The following GUCY1A2 variants were observed in gnomAD, a reference collection of about 807,000 sequenced individuals.
The protein encoded by GUCY1A2 is guanylate cyclase 1 soluble subunit alpha 2.
In GUCY1A2, 27 loss-of-function variants were observed where a neutral mutation model predicts 63.5. The observed-to-expected ratio is 0.43, with a 90% confidence interval of 0.31 to 0.59. The LOEUF (loss-of-function observed/expected upper bound fraction) is 0.59. Ranked by LOEUF, GUCY1A2 falls within the 20% of genes least tolerant of loss-of-function variation. The pLI, the probability that GUCY1A2 is intolerant of heterozygous loss-of-function variation, is 0.11. For synonymous variants in GUCY1A2, 364 were observed against 343.5 expected, an observed-to-expected ratio of 1.06 and a Z score of -0.66; for missense variants, 768 against 913.3, an observed-to-expected ratio of 0.84 and a Z score of 2.05.
chr11:106,778,497 A>G (rs1347244432), intron 5 of GUCY1A2, among the ~76,000 whole-genome samples: 4 of 152,074 alleles, frequency 2.6e-5, no homozygotes, highest in African/African-American at 9.7e-5. Flanking sequence ...ATCTCTACTA[A>G]AAGTACAAAA....
rs1323741307 is a variant in GUCY1A2 at position 107,018,029 on chromosome 11, C to T, written c.27G>A (p.Glu9=). The change falls in exon 1 of 8, where the codon GAG becomes GAA. Residue 9 remains glutamate (E), a synonymous_variant. Transcript: ENST00000526355. MSRRKISS[E]SFSSLGSDYL... is the part of the protein sequence containing the mutation. ...AGTCGGAGCCCAGGGAGCTGAAGGA[C>T]TCGGACGAAATCTTCCTTCGAGACA... is the stretch of plus-strand genomic sequence containing the variant. 2.0e-6 allele frequency: 3 copies of T among 1,475,256 alleles called. No homozygotes were observed. Among genetic ancestry groups the T allele is most frequent in the Admixed American group, 2.0e-5 (1 of 49,000 alleles). 91.4% of individuals were successfully genotyped at this position (1,475,256 alleles called of 1,614,324 possible).
chr11:106,716,507 C>T (rs550047017), intron 6 of GUCY1A2, among the ~76,000 whole-genome samples: 49 of 152,098 alleles, frequency 3.2e-4, no homozygotes, highest in Middle Eastern at 6.8e-3. Context: ...TTAGGCAATT[C>T]GCTTTCTCCC....
chr11:106,852,112 T>C (rs1198772523), intron 4 of GUCY1A2, among the ~76,000 whole-genome samples: 1 of 152,040 alleles, frequency 6.6e-6, no homozygotes, highest in Non-Finnish European at 1.5e-5. Flanking sequence ...CTATTGTAAA[T>C]GGCATAGTTT....
chr11:106,922,718 T>G (rs1860465503), intron 4 of GUCY1A2, among the ~76,000 whole-genome samples: 1 of 128,476 alleles, frequency 7.8e-6, no homozygotes, highest in Non-Finnish European at 1.6e-5. Flanking sequence ...TATATATATG[T>G]ACTCACAATT....
intron 7 of GUCY1A2, among the ~76,000 whole-genome samples, chr11:106,696,256 G>A (rs1044010307): frequency 1.3e-5 from 2 of 152,112 alleles, no homozygotes; most frequent in African/African-American, 4.8e-5. Context: ...TAAATGTCAA[G>A]GAATTTAAAC....
At chr11:106,809,780 A>G (rs1858739226) in intron 5 of GUCY1A2, among the ~76,000 whole-genome samples, 1 of 144,856 alleles carries the variant, frequency 6.9e-6, no homozygotes, top group Non-Finnish European at 1.5e-5. Context: ...TTACTGAGCA[A>G]TATCATGATT....
chr11:106,825,790 GTT>G (rs749897468), intron 4 of GUCY1A2, among the ~76,000 whole-genome samples: 134 of 152,236 alleles, frequency 8.8e-4, no homozygotes, highest in Non-Finnish European at 1.5e-3. Flanking sequence ...AAAATCTCAA[GTT>G]TTAAGAAAGT....
intron 3 of GUCY1A2, among the ~76,000 whole-genome samples, chr11:106,949,455 T>C (rs1053010906): frequency 6.7e-6 from 1 of 150,060 alleles, no homozygotes; most frequent in African/African-American, 2.5e-5. Context: ...TATTTTGTTT[T>C]TTAACTAGGA....
At chr11:106,805,147 T>G (rs1049864904) in intron 5 of GUCY1A2, among the ~76,000 whole-genome samples, 3 of 152,192 alleles carry the variant, frequency 2.0e-5, no homozygotes, top group African/African-American at 7.2e-5. Context: ...AACCTGACAA[T>G]GTTTAATGCC....
intron 5 of GUCY1A2, among the ~76,000 whole-genome samples, chr11:106,776,926 C>T (rs1864367571): frequency 6.6e-6 from 1 of 152,224 alleles, no homozygotes. Flanking sequence ...CCCTTCATCT[C>T]CTTCCAACTT....
At chr11:106,963,269 AG>A (rs1463101774) in intron 3 of GUCY1A2, among the ~76,000 whole-genome samples, 1 of 152,226 alleles carries the variant, frequency 6.6e-6, no homozygotes, top group Non-Finnish European at 1.5e-5. Flanking sequence ...TCTGAATTCA[AG>A]GAAAGTATTT....
In GUCY1A2 at chr11:106,939,732, C is replaced by G. The variant is rs773933882; in HGVS notation, c.934G>C (p.Val312Leu). 8.1e-6 allele frequency: 13 copies of G among 1,613,752 alleles called. No individual in the cohort carries two copies. Among genetic ancestry groups the G allele is most frequent in the African/African-American group, 1.3e-5 (1 of 74,910 alleles). The change falls in exon 4 of 8, where the codon GTT becomes CTT. Residue 312 changes from valine to leucine, a missense_variant. Coordinates refer to ENST00000526355, the MANE Select transcript of GUCY1A2 (RefSeq NM_000855.3). Reference protein sequence around the residue: ...MKNLPQGTSQVPADLRISINT... With the variant: ...MKNLPQGTSQLPADLRISINT... ...ATGCTAATTCTGAGGTCCGCAGGAA[C>G]TTGGGAGGTTCCCTGTGGAAGGTTC...
intron 4 of GUCY1A2, among the ~76,000 whole-genome samples, chr11:106,883,956 C>T (rs1859862387): frequency 1.3e-5 from 2 of 152,028 alleles, no homozygotes; most frequent in Non-Finnish European, 2.9e-5. Context: ...AACGAAACAC[C>T]ACATGTTCTC....
At chr11:106,805,875 C>A (rs1040992180) in intron 5 of GUCY1A2, among the ~76,000 whole-genome samples, 1 of 152,132 alleles carries the variant, frequency 6.6e-6, no homozygotes, top group African/African-American at 2.4e-5. Flanking sequence ...CTAAATTGTA[C>A]AAAAACTATA....
intron 6 of GUCY1A2, among the ~76,000 whole-genome samples, chr11:106,749,888 A>C (rs1310059343): frequency 1.3e-5 from 2 of 152,026 alleles, no homozygotes; most frequent in Non-Finnish European, 2.9e-5. Context: ...CACTAAATAC[A>C]CCAGTAAATA....
At chr11:106,958,173 T>C (rs2120052946) in intron 3 of GUCY1A2, among the ~76,000 whole-genome samples, 1 of 152,292 alleles carries the variant, frequency 6.6e-6, no homozygotes, top group African/African-American at 2.4e-5. Context: ...ATATATTTGT[T>C]TAAAGCAGAA....
At chr11:106,854,988 T>G (rs1274550202) in intron 4 of GUCY1A2, among the ~76,000 whole-genome samples, 2 of 152,164 alleles carry the variant, frequency 1.3e-5, no homozygotes, top group African/African-American at 4.8e-5. Flanking sequence ...ATTGTGGTGT[T>G]GCAGCTTTCT....
At chr11:106,695,726 T>C (rs902519640) in intron 7 of GUCY1A2, among the ~76,000 whole-genome samples, 5 of 152,160 alleles carry the variant, frequency 3.3e-5, no homozygotes, top group Admixed American at 1.3e-4. Flanking sequence ...AGTGATTCAT[T>C]CTCTGGAAAT....
chr11:106,843,023 C>A (rs1484429153), intron 4 of GUCY1A2, among the ~76,000 whole-genome samples: 1 of 151,754 alleles, frequency 6.6e-6, no homozygotes, highest in African/African-American at 2.4e-5. Context: ...AGAGTTCATT[C>A]AAGGGAGAAA....
Sources: gnomAD v4.1 joint callset for allele counts (sites outside exome capture counted in the v4.1 genomes callset) on GRCh38, gnomAD v4.1.1 for gene constraint, MANE v1.5 for transcripts, NCBI Gene and HGNC (gene_info 2026-07-23, HGNC 2026-07-21) for gene names.